The following PCDH15 variants were observed in gnomAD, a reference collection of about 807,000 sequenced individuals.
PCDH15 encodes the protein protocadherin related 15, also known as protocadherin-15.
Under a neutral mutation model 178.5 loss-of-function variants are expected in PCDH15, and 129 were observed. The observed-to-expected ratio is 0.72, with a 90% CI of 0.63 to 0.84. The LOEUF (loss-of-function observed/expected upper bound fraction) is 0.84. Among genes scored for constraint, PCDH15 ranks in the 40% least tolerant of loss-of-function variants. The probability of loss-of-function intolerance (pLI) is 0.00; values close to 1 mark genes in which losing one functional copy is unlikely to be tolerated. For synonymous variants in PCDH15, 800 were observed against 732.0 expected (o/e 1.09, Z -1.50); for missense variants, 2,230 against 2,099.9 (o/e 1.06, Z -1.21).
intron 1 of PCDH15, among the ~76,000 whole-genome samples, chr10:55,276,240 T>C (rs1842593064): frequency 6.6e-6 from 1 of 150,962 alleles, no homozygotes; most frequent in South Asian, 2.1e-4. Context: ...GATTCTCTAA[T>C]ATAATACGAA....
At chr10:55,246,969 C>T (rs1402738002) in intron 1 of PCDH15, among the ~76,000 whole-genome samples, 1 of 152,020 alleles carries the variant, frequency 6.6e-6, no homozygotes, top group Non-Finnish European at 1.5e-5. Context: ...ATATGTAGGT[C>T]TCTGATCCTC....
intron 2 of PCDH15, among the ~76,000 whole-genome samples, chr10:55,427,151 A>T (rs966164956): frequency 6.6e-6 from 1 of 152,130 alleles, no homozygotes; most frequent in Non-Finnish European, 1.5e-5. Context: ...TGTCCCTATC[A>T]CTACAATCAA....
chr10:55,265,959 T>C (rs1422751807), intron 1 of PCDH15, among the ~76,000 whole-genome samples: 1 of 151,916 alleles, frequency 6.6e-6, no homozygotes, highest in Non-Finnish European at 1.5e-5. Flanking sequence ...TTAACGACCA[T>C]CCTGCAAGCC....
chr10:53,986,303 T>C (rs1482507461), intron 21 of PCDH15, among the ~76,000 whole-genome samples: 1 of 152,224 alleles, frequency 6.6e-6, no homozygotes, highest in Non-Finnish European at 1.5e-5. Context: ...GGATGGCTTT[T>C]ATTTAAAACA....
intron 8 of PCDH15, among the ~76,000 whole-genome samples, chr10:54,283,286 A>G (rs1437305768): frequency 6.6e-6 from 1 of 152,142 alleles, no homozygotes; most frequent in Non-Finnish European, 1.5e-5. Flanking sequence ...ACTTCTCATT[A>G]TTTCCCATAC....
chr10:54,616,428 G>C (rs926329497), intron 2 of PCDH15, among the ~76,000 whole-genome samples: 2 of 152,030 alleles, frequency 1.3e-5, no homozygotes, highest in African/African-American at 2.4e-5. Flanking sequence ...TTTTTCATCT[G>C]TTTGGGGTTA....
chr10:54,764,438 C>G (rs2133185300), intron 1 of PCDH15, among the ~76,000 whole-genome samples: 1 of 151,944 alleles, frequency 6.6e-6, no homozygotes, highest in African/African-American at 2.4e-5. Flanking sequence ...GAAAATATAG[C>G]TGGGAGTAAG....
intron 8 of PCDH15, among the ~76,000 whole-genome samples, chr10:54,281,125 G>T (rs905451135): frequency 2.0e-5 from 3 of 151,574 alleles, no homozygotes; most frequent in African/African-American, 7.3e-5. Context: ...TTAATTATAC[G>T]AAGGAGTACA....
chr10:55,330,257 A>G (rs1407629315), intron 2 of PCDH15, among the ~76,000 whole-genome samples: 1 of 151,836 alleles, frequency 6.6e-6, no homozygotes, highest in East Asian at 1.9e-4. Context: ...GAAAGTTAAA[A>G]TCAAGCTTTT....
At chr10:55,341,032 T>G (rs1010604608) in intron 2 of PCDH15, among the ~76,000 whole-genome samples, 1 of 151,894 alleles carries the variant, frequency 6.6e-6, no homozygotes, top group African/African-American at 2.4e-5. Flanking sequence ...CTTTAAAGCT[T>G]TTCATTCACC....
intron 1 of PCDH15, among the ~76,000 whole-genome samples, chr10:55,277,145 A>G (rs1393528401): frequency 6.6e-6 from 1 of 152,056 alleles, no homozygotes; most frequent in Non-Finnish European, 1.5e-5. Context: ...CTATACTATC[A>G]CGACCTATAT....
intron 2 of PCDH15, among the ~76,000 whole-genome samples, chr10:55,547,910 T>TGTGTGTGTGTGAGAGAGAGAGAGA (rs541144266): frequency 1.8e-5 from 1 of 54,528 alleles, no homozygotes; most frequent in African/African-American, 8.1e-5. Context: ...TGTGTGTGTG[T>TGTGTGTGTGTGAGAGAGAGAGAGA]GAGAGAGAGA....
chr10:54,212,072 C>G lies in PCDH15; in HGVS notation c.1098+1864G>C, dbSNP rs560555160. 4.6e-5 allele frequency among the ~76,000 whole-genome samples: 7 copies of G among 152,030 alleles called. No individual in the cohort carries two copies. The South Asian group carries it at 1.5e-3, about 32-fold the overall frequency. Reference sequence around the variant, plus strand: ...TACACTGTACCCAGGTACACCAGGACAGCTGAATTCGATAATAAAGGAAAA... The same window carrying G: ...TACACTGTACCCAGGTACACCAGGAGAGCTGAATTCGATAATAAAGGAAAA... On this transcript the variant is annotated intron_variant, in intron 10 of 37. Coordinates refer to ENST00000644397, the MANE Select transcript of PCDH15 (RefSeq NM_001384140.1).
intron 15 of PCDH15, among the ~76,000 whole-genome samples, chr10:54,109,083 T>C (rs2094967341): frequency 6.6e-6 from 1 of 152,150 alleles, no homozygotes; most frequent in South Asian, 2.1e-4. Flanking sequence ...CCAGCTGTGG[T>C]GGCTATGGGA....
intron 2 of PCDH15, among the ~76,000 whole-genome samples, chr10:55,336,154 A>AC (rs1844386368): frequency 7.7e-6 from 1 of 129,068 alleles, no homozygotes; most frequent in Non-Finnish European, 1.6e-5. Context: ...AAAAAAAAAA[A>AC]CAGTAGAAGT....
At chr10:54,766,649 G>A (rs1241901594) in intron 1 of PCDH15, among the ~76,000 whole-genome samples, 1 of 152,074 alleles carries the variant, frequency 6.6e-6, no homozygotes, top group African/African-American at 2.4e-5. Flanking sequence ...AGTTTGTAGG[G>A]CCAGGCGTGG....
chr10:55,401,224 G>A (rs1388780214), intron 2 of PCDH15, among the ~76,000 whole-genome samples: 1 of 151,988 alleles, frequency 6.6e-6, no homozygotes, highest in Non-Finnish European at 1.5e-5. Flanking sequence ...GTAAAGCATA[G>A]AAACAAAGAG....
intron 2 of PCDH15, among the ~76,000 whole-genome samples, chr10:55,463,675 A>C (rs1201840888): frequency 6.6e-6 from 1 of 151,772 alleles, no homozygotes; most frequent in Non-Finnish European, 1.5e-5. Flanking sequence ...CATGCTACTA[A>C]ATGTATTGTA....
At chr10:54,087,170 C>T (rs942385394) in intron 16 of PCDH15, among the ~76,000 whole-genome samples, 1 of 151,956 alleles carries the variant, frequency 6.6e-6, no homozygotes, top group Non-Finnish European at 1.5e-5. Flanking sequence ...CATTTTAATT[C>T]AGATATCATA....
Sources: allele counts gnomAD v4.1 joint callset (sites outside exome capture counted in the v4.1 genomes callset), GRCh38; gene constraint gnomAD v4.1.1; transcripts MANE v1.5; gene names NCBI Gene and HGNC (gene_info 2026-07-23, HGNC 2026-07-21).